PCDHGB2: variants seen among roughly 807,000 people sequenced by gnomAD.
The protein encoded by PCDHGB2 is protocadherin gamma-B2.
A neutral mutation model predicts 59.3 loss-of-function variants in PCDHGB2; 55 were observed. The ratio of observed to expected loss-of-function variants is 0.93; its 90% confidence interval spans 0.75 to 1.16. The LOEUF (loss-of-function observed/expected upper bound fraction) is 1.16, where lower values mean the gene tolerates loss of function less well. PCDHGB2 is among the 50% of genes most tolerant of loss of function. PCDHGB2 has a pLI of 0.00. For synonymous variants in PCDHGB2, 516 were observed against 512.0 expected (o/e 1.01, Z -0.11); for missense variants, 1,228 against 1,198.5 (o/e 1.02, Z -0.36).
At chr5:141,398,709 G>A (rs1202607096) in intron 1 of PCDHGB2, 1 of 1,613,714 alleles carries the variant, frequency 6.2e-7, no homozygotes, top group Non-Finnish European at 8.5e-7. Context: ...ACCCGGAACT[G>A]GCACTGGAGA....
chr5:141,422,106 C>G (rs763336868), intron 1 of PCDHGB2: 1 of 1,607,266 alleles, frequency 6.2e-7, no homozygotes, highest in Admixed American at 1.7e-5. Flanking sequence ...CTGAAATATT[C>G]CAATTGGATT....
intron 1 of PCDHGB2, chr5:141,423,601 C>A (rs372165060): frequency 1.9e-6 from 3 of 1,612,704 alleles, no homozygotes; most frequent in Non-Finnish European, 2.5e-6. Flanking sequence ...AAGCGAGCCA[C>A]TCTTGATAGC....
chr5:141,430,048 A>G (rs2097258677), intron 1 of PCDHGB2, among the ~76,000 whole-genome samples: 1 of 152,222 alleles, frequency 6.6e-6, no homozygotes, highest in African/African-American at 2.4e-5. Flanking sequence ...AATGTATACA[A>G]TCACATATCA....
chr5:141,466,494 G>C (rs1186331329), intron 1 of PCDHGB2, among the ~76,000 whole-genome samples: 4 of 152,134 alleles, frequency 2.6e-5, no homozygotes. Context: ...TCTTTAATTA[G>C]AGCACAGACA....
At chr5:141,463,418 C>A (rs1442067485) in intron 1 of PCDHGB2, among the ~76,000 whole-genome samples, 3 of 138,240 alleles carry the variant, frequency 2.2e-5, no homozygotes, top group Admixed American at 7.4e-5. Context: ...TCCTAGTTTG[C>A]GGATCCTCAT....
chr5:141,368,061 A>G (rs781457436), intron 1 of PCDHGB2, among the ~76,000 whole-genome samples: 21 of 152,326 alleles, frequency 1.4e-4, no homozygotes, highest in Admixed American at 3.3e-4. Flanking sequence ...AAGAACTACT[A>G]TATTTCCCTT....
chr5:141,442,796 T>G (rs909745554), intron 1 of PCDHGB2, among the ~76,000 whole-genome samples: 16 of 152,326 alleles, frequency 1.1e-4, no homozygotes, highest in African/African-American at 3.8e-4. Context: ...AATTTTACTT[T>G]GATATTCAAA....
At chr5:141,423,666 A>G in intron 1 of PCDHGB2, 1 of 1,494,380 alleles carries the variant, frequency 6.7e-7, no homozygotes, top group Non-Finnish European at 8.9e-7. Context: ...ATCAGGTGAG[A>G]TTTATTTCTC....
intron 1 of PCDHGB2, chr5:141,408,732 A>AT: frequency 2.5e-6 from 4 of 1,610,016 alleles, no homozygotes; most frequent in Non-Finnish European, 3.4e-6. Context: ...TCTAATCCTT[A>AT]TTTTTCATTA....
In PCDHGB2 at chr5:141,505,323, G is replaced by T. The variant is rs996747379; in HGVS notation, c.2481-70G>T. 12 of 1,606,640 alleles carry T rather than the reference G, an allele frequency of 7.5e-6. No homozygotes were observed. In the African/African-American group the frequency reaches 1.5e-4, roughly 20 times the overall value. On this transcript the variant is annotated intron_variant, in intron 2 of 3. Transcript: ENST00000522605. Reference sequence around the variant, plus strand: ...TAGGGTACTAGGTTTGGGAGCCCTGGGAGAGGACAGGAGGGGCATGAGCTG... The same window carrying T: ...TAGGGTACTAGGTTTGGGAGCCCTGTGAGAGGACAGGAGGGGCATGAGCTG...
intron 1 of PCDHGB2, among the ~76,000 whole-genome samples, chr5:141,425,325 A>G (rs1371591408): frequency 6.6e-6 from 1 of 152,240 alleles, no homozygotes. Context: ...ATCGTGGAGA[A>G]CAAAAAGGAA....
chr5:141,419,368 C>T, intron 1 of PCDHGB2: 1 of 1,613,776 alleles, frequency 6.2e-7, no homozygotes, highest in Non-Finnish European at 8.5e-7. Context: ...CGCTGTCGTC[C>T]TACGTGTCCG....
intron 1 of PCDHGB2, chr5:141,421,903 G>A (rs757656265): frequency 6.2e-6 from 10 of 1,613,704 alleles, no homozygotes; most frequent in African/African-American, 1.3e-5. Flanking sequence ...CCGAAAGGGC[G>A]CAGTTCCCAT....
At chr5:141,376,171 G>T (rs758847977) in intron 1 of PCDHGB2, 1 of 1,614,096 alleles carries the variant, frequency 6.2e-7, no homozygotes, top group South Asian at 1.1e-5. Context: ...TGGTGGTGGC[G>T]GTGGCCGCGG....
intron 1 of PCDHGB2, chr5:141,392,857 T>C: frequency 5.0e-6 from 8 of 1,612,536 alleles, no homozygotes; most frequent in Non-Finnish European, 6.8e-6. Flanking sequence ...GAGCTGATCC[T>C]GCTGTGCGCG....
At chr5:141,370,756 T>G in intron 1 of PCDHGB2, 1 of 1,613,974 alleles carries the variant, frequency 6.2e-7, no homozygotes, top group Non-Finnish European at 8.5e-7. Flanking sequence ...CATGTAACTG[T>G]GCTGATCCAG....
intron 1 of PCDHGB2, among the ~76,000 whole-genome samples, chr5:141,466,021 G>A (rs2099115061): frequency 6.6e-6 from 1 of 151,934 alleles, no homozygotes; most frequent in Admixed American, 6.6e-5. Flanking sequence ...ACTCGGGAGG[G>A]TGAGGCAGGA....
intron 1 of PCDHGB2, chr5:141,428,187 C>T: frequency 1.4e-6 from 2 of 1,439,502 alleles, no homozygotes; most frequent in Non-Finnish European, 1.9e-6. Context: ...GGACAGCCGC[C>T]GCTCTCTGCG....
chr5:141,370,825 A>C, intron 1 of PCDHGB2: 3 of 1,614,070 alleles, frequency 1.9e-6, no homozygotes, highest in Non-Finnish European at 2.5e-6. Context: ...GAAATCAGCG[A>C]ACTGGCTCTC....
Sources: allele counts gnomAD v4.1 joint callset (sites outside exome capture counted in the v4.1 genomes callset), GRCh38; gene constraint gnomAD v4.1.1; transcripts MANE v1.5; gene names NCBI Gene and HGNC (gene_info 2026-07-23, HGNC 2026-07-21).